The following ABR variants were observed in gnomAD, a reference collection of about 807,000 sequenced individuals.
ABR encodes the protein active breakpoint cluster region-related protein.
Under a neutral mutation model 107.2 loss-of-function variants are expected in ABR, and 35 were observed. The observed-to-expected ratio is 0.33, with a 90% CI of 0.25 to 0.43. ABR has a LOEUF of 0.43. ABR is among the 20% of genes least tolerant of loss of function. The pLI is 1.00. For synonymous variants in ABR, 498 were observed against 462.0 expected (o/e 1.08, Z -1.00); for missense variants, 815 against 1,115.2 (o/e 0.73, Z 3.83).
rs561283763 is a variant in ABR, at chr17:1,076,775, G to A, written c.700+2555C>T. 6.0e-5 allele frequency among the ~76,000 whole-genome samples: 9 copies of A among 150,074 alleles called. No homozygotes were observed. In the South Asian group the frequency reaches 8.4e-4, roughly 14 times the overall value. On this transcript the variant is annotated intron_variant, in intron 6 of 22. Transcript: ENST00000302538. The stretch of plus-strand genomic sequence containing the variant: ...GACCACATCAGATACGGAGGGAACC[G>A]GGGGAATAAGAGCGGCCCTGAAGTT...
At chr17:1,205,201 T>A (rs551512073) in intron 1 of ABR, among the ~76,000 whole-genome samples, 3 of 152,236 alleles carry the variant, frequency 2.0e-5, no homozygotes, top group Non-Finnish European at 4.4e-5. Context: ...CATACCCGGT[T>A]TTATCCCCAT....
chr17:1,086,007 GT>G (rs2036569084), intron 4 of ABR, among the ~76,000 whole-genome samples: 1 of 152,100 alleles, frequency 6.6e-6, no homozygotes, highest in Non-Finnish European at 1.5e-5. Flanking sequence ...TTATCCGGGC[GT>G]GGTGGCACGC....
intron 3 of ABR, among the ~76,000 whole-genome samples, chr17:1,093,600 C>T (rs2037184732): frequency 6.6e-6 from 1 of 152,124 alleles, no homozygotes; most frequent in African/African-American, 2.4e-5. Context: ...AGCTTTCCGA[C>T]AAGAGAAGCA....
At position 1,010,712 on chromosome 17, in the gene ABR, A is replaced by G. The variant is rs1157499122; in HGVS notation, c.2236+17T>C. 6.2e-7 allele frequency: 1 copy of G among 1,612,782 alleles called. No homozygotes were observed. Among genetic ancestry groups the G allele is most frequent in the South Asian group, 1.1e-5 (1 of 91,060 alleles). Reference sequence around the variant, plus strand: ...CAGTCTGGCCCAGCCCAGTCCTAGGAGCCCTCAGGGCCTCACCGATGCCCT... The same window carrying G: ...CAGTCTGGCCCAGCCCAGTCCTAGGGGCCCTCAGGGCCTCACCGATGCCCT... On this transcript the variant is annotated intron_variant, in intron 20 of 22. Transcript: ENST00000302538. The surrounding 1 kb of genome is among the most constrained non-coding windows in gnomAD (Gnocchi z 4.1).
At chr17:1,146,260 G>GAC (rs60058475) in intron 1 of ABR, among the ~76,000 whole-genome samples, 5,432 of 140,154 alleles carry the variant, frequency 0.039, 129 homozygotes, top group African/African-American at 0.041. Flanking sequence ...GGCACATGGA[G>GAC]ACACACACAC....
At chr17:1,159,179 G>A (rs1262360300) in intron 1 of ABR, among the ~76,000 whole-genome samples, 1 of 152,274 alleles carries the variant, frequency 6.6e-6, no homozygotes, top group African/African-American at 2.4e-5. Flanking sequence ...AAGTAGGAAT[G>A]CAGTACTCAT....
intron 13 of ABR, 80 bp downstream of exon 13, chr17:1,056,918 G>A (rs1191033448): frequency 3.2e-6 from 3 of 940,290 alleles, no homozygotes; most frequent in Non-Finnish European, 5.2e-6. Context: ...CCACATGTCT[G>A]TCTGAGTCCT....
chr17:1,089,312 G>A (rs1456946322), intron 4 of ABR, among the ~76,000 whole-genome samples: 1 of 152,192 alleles, frequency 6.6e-6, no homozygotes, highest in Non-Finnish European at 1.5e-5. Context: ...GGGATTACAG[G>A]CGTCAGCCAC....
chr17:1,045,732 C>A (rs899101427), intron 16 of ABR, among the ~76,000 whole-genome samples: 2 of 152,256 alleles, frequency 1.3e-5, no homozygotes, highest in African/African-American at 4.8e-5. Flanking sequence ...TTGTGGCTGA[C>A]ATCTAGCATT....
chr17:1,032,751 G>A lies in ABR; in HGVS notation c.1791+17299C>T, dbSNP rs538237299. 2.4e-4 allele frequency among the ~76,000 whole-genome samples: 36 copies of A among 152,308 alleles called. No individual in the cohort carries two copies. The South Asian group carries it at 7.5e-3, about 32-fold the overall frequency. ...ACTAGGACACAAATTACGTCTCAAG[G>A]TAACAGTGCAAGTTAGAGTACGGTA... On this transcript the variant is annotated intron_variant, in intron 16 of 22. Coordinates refer to ENST00000302538, the MANE Select transcript of ABR (RefSeq NM_021962.5).
upstream of ABR, among the ~76,000 whole-genome samples, chr17:1,181,671 G>T (rs3813445): frequency 0.1 from 15,462 of 152,210 alleles, 993 homozygotes; most frequent in African/African-American, 0.18. Flanking sequence ...TCGGAGGACC[G>T]CGAGGCCGGA....
rs1328318574 is a variant in ABR, at chr17:1,027,596, G to A, written c.1792-14432C>T. On this transcript the variant is annotated intron_variant, in intron 16 of 22. Transcript: ENST00000302538. The surrounding 1 kb of genome is among the most constrained non-coding windows in gnomAD (Gnocchi z 4.7). ...GTAAGTGCTGTGGAAAAGAGGGAGG[G>A]TCGCCCGACCCCACTGCCAACCTGT... is the stretch of plus-strand genomic sequence containing the variant. 6.6e-6 allele frequency among the ~76,000 whole-genome samples: 1 copy of A among 152,108 alleles called. No individual in the cohort carries two copies. The highest frequency in any genetic ancestry group is 1.9e-4 in the East Asian group (1 of 5,176).
At chr17:1,023,965 C>T (rs1231150837) in intron 16 of ABR, among the ~76,000 whole-genome samples, 4 of 131,372 alleles carry the variant, frequency 3.0e-5, no homozygotes, top group East Asian at 2.6e-4. Flanking sequence ...GCGGAGGTTG[C>T]GGTGAGCCGA....
Position 1,125,243 on chromosome 17 carries a change from G to T in ABR, c.186C>A (p.Ala62=). ...ESPTMSPQLS[A]RSQGGGDGVS... ...CGCCATCCCCCCCGCCCTGGCTGCG[G>T]GCGCTGAGCTGCGGGGACATGGTGG... Residue 62 remains alanine, a synonymous_variant, in exon 2 of 23, where the codon GCC becomes GCA. Coordinates refer to ENST00000302538, the MANE Select transcript of ABR (RefSeq NM_021962.5). The T allele has an allele frequency of 6.2e-7, 1 of 1,612,036 alleles. No individual in the cohort carries two copies. The highest frequency in any genetic ancestry group is 2.2e-5 in the East Asian group (1 of 44,780).
chr17:1,085,615 G>A (rs2151269907), intron 4 of ABR, among the ~76,000 whole-genome samples: 1 of 152,276 alleles, frequency 6.6e-6, no homozygotes, highest in Non-Finnish European at 1.5e-5. Context: ...GTTCAGTGCA[G>A]TCGCCACCAG....
intron 1 of ABR, among the ~76,000 whole-genome samples, chr17:1,201,027 G>C (rs1361957949): frequency 6.6e-6 from 1 of 152,224 alleles, no homozygotes; most frequent in Non-Finnish European, 1.5e-5. Flanking sequence ...GGGGAGGAAA[G>C]TACAGGAAGA....
At chr17:1,048,021 T>C (rs1437841343) in intron 16 of ABR, among the ~76,000 whole-genome samples, 2 of 152,172 alleles carry the variant, frequency 1.3e-5, no homozygotes, top group Non-Finnish European at 2.9e-5. Flanking sequence ...ACTCGTCTCT[T>C]GCCTGGGCGT....
chr17:1,109,187 T>G, intron 2 of ABR: 1 of 1,318,034 alleles, frequency 7.6e-7, no homozygotes, highest in South Asian at 1.6e-5. Context: ...GCGCCCGGCC[T>G]GGGGCTCCCG....
At chr17:1,176,016 G>A (rs765347900) in intron 1 of ABR, among the ~76,000 whole-genome samples, 11 of 152,138 alleles carry the variant, frequency 7.2e-5, no homozygotes, top group Non-Finnish European at 1.5e-4. Context: ...GCGTGAACCT[G>A]GGAGGTGGAG....
Sources: allele counts gnomAD v4.1 joint callset (sites outside exome capture counted in the v4.1 genomes callset), GRCh38; gene constraint gnomAD v4.1.1; non-coding constraint Gnocchi (gnomAD v3.1); transcripts MANE v1.5; gene names NCBI Gene and HGNC (gene_info 2026-07-23, HGNC 2026-07-21).